Variants in SOCS7 observed in about 807,000 individuals in gnomAD.
The protein encoded by SOCS7 is NAP-4.
Under a neutral mutation model 58.9 loss-of-function variants are expected in SOCS7, and 18 were observed. That is an observed-to-expected ratio of 0.31 (90% CI 0.21 to 0.45). The LOEUF (loss-of-function observed/expected upper bound fraction) is 0.45, where lower values mean the gene tolerates loss of function less well. Among genes scored for constraint, SOCS7 ranks in the 20% least tolerant of loss-of-function variants. The pLI, the probability that SOCS7 is intolerant of heterozygous loss-of-function variation, is 1.00. For missense variants in SOCS7, 667 were observed against 837.3 expected, an observed-to-expected ratio of 0.80 and a Z score of 2.51; for synonymous variants, 388 against 364.3, an observed-to-expected ratio of 1.06 and a Z score of -0.74.
chr17:38,374,921 G>A (rs1365869918), intron 6 of SOCS7, among the ~76,000 whole-genome samples: 1 of 152,190 alleles, frequency 6.6e-6, no homozygotes, highest in Admixed American at 6.5e-5. Context: ...CAAAGCAAAT[G>A]GTAGAAGAAG....
chr17:38,398,928 T>A (rs571492730), intron 9 of SOCS7, among the ~76,000 whole-genome samples: 118 of 151,914 alleles, frequency 7.8e-4, no homozygotes, highest in South Asian at 1.9e-3. Flanking sequence ...CTGTCTCTAC[T>A]AAAAATACAA....
In SOCS7 at chr17:38,352,665, G is replaced by T. The variant is rs372829995; in HGVS notation, c.613G>T (p.Gly205Cys). 1 of 1,549,986 alleles carries T rather than the reference G, an allele frequency of 6.5e-7. No homozygotes were observed. The highest frequency in any genetic ancestry group is 2.0e-5 in the Admixed American group (1 of 51,004). ...SCSEEELSSP[G>C]RGGGGGGRLL... ...CTCGGAAGAGGAGCTCAGCAGCCCG[G>T]GTCGCGGAGGAGGAGGGGGCGGCCG... Residue 205 changes from glycine (G) to cysteine (C), a missense_variant, in exon 1 of 10, where the codon GGT becomes TGT. Around this residue, in one of 9 missense-constraint regions of SOCS7, gnomAD observed 208 missense variants for 190.3 expected, o/e 1.09. Coordinates refer to ENST00000612932, the MANE Select transcript of SOCS7 (RefSeq NM_014598.4). This position sits in a 1 kb window ranked among gnomAD's most constrained non-coding sequence, Gnocchi z 5.5.
At chr17:38,353,807 T>A (rs529389237) in intron 1 of SOCS7, among the ~76,000 whole-genome samples, 1 of 152,214 alleles carries the variant, frequency 6.6e-6, no homozygotes, top group South Asian at 2.1e-4. Context: ...GCGGGAGTGG[T>A]CCCAGCTACT....
At chr17:38,357,969 G>T (rs587594100) in intron 1 of SOCS7, among the ~76,000 whole-genome samples, 1 of 152,288 alleles carries the variant, frequency 6.6e-6, no homozygotes, top group African/African-American at 2.4e-5. Flanking sequence ...TAAATCTGTT[G>T]CAGTACAGTT....
At position 38,360,068 on chromosome 17, in the gene SOCS7, G is replaced by A. The variant is rs919628826; in HGVS notation, c.981-1643G>A. 3.3e-5 allele frequency among the ~76,000 whole-genome samples: 5 copies of A among 152,022 alleles called. No homozygotes were observed. In the East Asian group the frequency reaches 5.8e-4, roughly 18 times the overall value. On this transcript the variant is annotated intron_variant, in intron 1 of 9. Transcript: ENST00000612932. Reference sequence around the variant, plus strand: ...GTTGGGATTACAGGTGTGAGCCATCGCACCGGGCCTGAGGTATAATTTATA... The same window carrying A: ...GTTGGGATTACAGGTGTGAGCCATCACACCGGGCCTGAGGTATAATTTATA...
At position 38,364,823 on chromosome 17, in the gene SOCS7, C is replaced by A. The variant is rs764038053; in HGVS notation, c.1117C>A (p.Pro373Thr). 1 of 1,613,908 alleles carries A rather than the reference C, an allele frequency of 6.2e-7. No individual in the cohort carries two copies. The highest frequency in any genetic ancestry group is 8.5e-7 in the Non-Finnish European group (1 of 1,179,860). ...GACCTCTCCACACCCTCCAACTCCC[C>A]CTCCTCCTCCGAGAAGAAGCCTCAG... ...GLTSPHPPTP[P>T]PPPRRSLSLL... The change falls in exon 3 of 10, where the codon CCT becomes ACT. Residue 373 changes from proline to threonine, a missense_variant. Pro to Thr is a conservative substitution (Grantham distance 38, BLOSUM62 -1). Around this residue, in one of 9 missense-constraint regions of SOCS7, gnomAD observed 99 missense variants for 122.9 expected, o/e 0.81. Transcript: ENST00000612932.
intron 4 of SOCS7, chr17:38,365,974 G>T (rs910973839): frequency 9.1e-7 from 1 of 1,100,698 alleles, no homozygotes; most frequent in Non-Finnish European, 1.1e-6. Context: ...TCACTTCGAG[G>T]TGGGAGAAGT....
rs924450447 is a variant in SOCS7 at position 38,401,633 on chromosome 17, C to T, written c.*2151C>T. ...CAGAAAATCAAGGACTATCTAAAGA[C>T]GTTTATAGTAGATAAGATCAGGGTA... On this transcript the variant is annotated 3_prime_UTR_variant, in exon 10 of 10. Coordinates refer to ENST00000612932, the MANE Select transcript of SOCS7 (RefSeq NM_014598.4). 1.1e-4 allele frequency: 16 copies of T among 152,126 alleles called. No homozygotes were observed. The highest frequency in any genetic ancestry group is 3.9e-4 in the Admixed American group (6 of 15,276). The allele number at this position is 152,126 out of a possible 1,614,324, so 9.4% of individuals were successfully genotyped here.
Position 38,352,748 on chromosome 17 carries a change from C to G in SOCS7, c.696C>G (p.Asp232Glu), listed in dbSNP as rs748619711. ...CTCCGGTGCCCTTCCCGCTGCAGGACTTGGTCCCTCTGGGGCGCCTGAGTA... is the reference window on the plus strand; with the variant it reads ...CTCCGGTGCCCTTCCCGCTGCAGGAGTTGGTCCCTCTGGGGCGCCTGAGTA... Reference protein sequence around the residue: ...ELPPVPFPLQDLVPLGRLSRG... With the variant: ...ELPPVPFPLQELVPLGRLSRG... The change falls in exon 1 of 10, where the codon GAC becomes GAG. Residue 232 changes from aspartate to glutamate, a missense_variant. By Grantham distance (45) the Asp-to-Glu change is conservative. Transcript: ENST00000612932. The surrounding 1 kb of genome is among the most constrained non-coding windows in gnomAD (Gnocchi z 5.5). 7 of 1,549,940 alleles carry G rather than the reference C, an allele frequency of 4.5e-6. No individual in the cohort carries two copies. The Admixed American group carries it at 1.4e-4, about 30-fold the overall frequency.
intron 6 of SOCS7, among the ~76,000 whole-genome samples, chr17:38,371,199 C>T (rs1445627538): frequency 6.6e-6 from 1 of 151,888 alleles, no homozygotes; most frequent in Non-Finnish European, 1.5e-5. Context: ...CTGCAGTCTC[C>T]ACCTCCTGAG....
At position 38,356,378 on chromosome 17, in the gene SOCS7, C is replaced by CT. The variant is rs952982591; in HGVS notation, c.980+3354dup. The stretch of plus-strand genomic sequence containing the variant: ...CCTGGGCAACAGAGCCAGACTCCAT[C>CT]TTTTTTTTGGGGCCGGGGGGATGGA... On this transcript the variant is annotated intron_variant, in intron 1 of 9. Coordinates refer to ENST00000612932, the MANE Select transcript of SOCS7 (RefSeq NM_014598.4). 7.3e-5 allele frequency among the ~76,000 whole-genome samples: 11 copies of CT among 150,876 alleles called. No individual in the cohort carries two copies. The East Asian group carries it at 8.3e-4, about 11-fold the overall frequency.
At chr17:38,377,079 G>A (rs1404061807) in intron 6 of SOCS7, among the ~76,000 whole-genome samples, 1 of 152,090 alleles carries the variant, frequency 6.6e-6, no homozygotes, top group African/African-American at 2.4e-5. Flanking sequence ...TCTGATGTTC[G>A]CCTAATGATG....
rs1203858025 is a variant in SOCS7, at chr17:38,352,439, C to T, written c.387C>T (p.Leu129=). 6 of 1,458,114 alleles carry T rather than the reference C, an allele frequency of 4.1e-6. No homozygotes were observed. Among genetic ancestry groups the T allele is most frequent in the East Asian group, 2.6e-5 (1 of 39,038 alleles). The allele number at this position is 1,458,114 out of a possible 1,614,324, so 90.3% of individuals were successfully genotyped here. ...AGGCGCAGTTGGCGGCTCTGGGGCT[C>T]GGGCAGCCGGCGGGGCCGGGGGTCA... The part of the protein sequence containing the change: ...GLEAQLAALG[L]GQPAGPGVKT... The change falls in exon 1 of 10, where the codon CTC becomes CTT. Residue 129 remains leucine (L), a synonymous_variant. Coordinates refer to ENST00000612932, the MANE Select transcript of SOCS7 (RefSeq NM_014598.4). The surrounding 1 kb of genome is among the most constrained non-coding windows in gnomAD (Gnocchi z 5.5).
At chr17:38,365,554 C>CT in intron 4 of SOCS7, 145 bp downstream of exon 4, 1 of 508,514 alleles carries the variant, frequency 2.0e-6, no homozygotes, top group Non-Finnish European at 3.3e-6. Flanking sequence ...GACCAGACTC[C>CT]TTAGAAATGA....
intron 1 of SOCS7, among the ~76,000 whole-genome samples, chr17:38,358,046 A>G (rs2037663153): frequency 6.6e-6 from 1 of 152,180 alleles, no homozygotes; most frequent in Non-Finnish European, 1.5e-5. Context: ...ATAGGCAGTA[A>G]TTTAGCTGAC....
In SOCS7 at chr17:38,351,951, G is replaced by A. The variant is rs1056843962; in HGVS notation, c.-102G>A. ...GGCAGAGGCCGCGGCGGCCGTTAGCGCTGTCGCTCCGGGGGCCGCGGCGGG... is the reference window on the plus strand; with the variant it reads ...GGCAGAGGCCGCGGCGGCCGTTAGCACTGTCGCTCCGGGGGCCGCGGCGGG... On this transcript the variant is annotated 5_prime_UTR_variant, in exon 1 of 10. Transcript: ENST00000612932. Among the ~76,000 whole-genome samples, 1 of 151,234 alleles carries A rather than the reference G, an allele frequency of 6.6e-6. No homozygotes were observed. The highest frequency in any genetic ancestry group is 2.1e-4 in the South Asian group (1 of 4,834).
In SOCS7 at chr17:38,389,899, A is replaced by ATATG. The variant is rs2038143219; in HGVS notation, c.1682-5410_1682-5409insTATG. On this transcript the variant is annotated intron_variant, in intron 7 of 9. Transcript: ENST00000612932. ...TATATATATGTACATATATATATAT[A>ATATG]CACATATAGAGAGAGAGAGAGAGAG... Among the ~76,000 whole-genome samples, 37 of 10,164 alleles carry ATATG rather than the reference A, an allele frequency of 3.6e-3. 1 individual carries two copies. The highest frequency in any genetic ancestry group is 8.3e-3 in the African/African-American group (30 of 3,620). 6.7% of individuals were successfully genotyped at this position (10,164 alleles called of 152,430 possible).
intron 9 of SOCS7, among the ~76,000 whole-genome samples, chr17:38,398,864 G>A (rs2038279008): frequency 6.6e-6 from 1 of 152,058 alleles, no homozygotes; most frequent in African/African-American, 2.4e-5. Context: ...AGGCCAAGGC[G>A]GGCTCATCAC....
intron 7 of SOCS7, among the ~76,000 whole-genome samples, chr17:38,384,685 C>T (rs911382745): frequency 5.9e-5 from 9 of 151,838 alleles, no homozygotes; most frequent in African/African-American, 1.9e-4. Context: ...ATCCACATCC[C>T]GGGTTCAAGT....
Sources: allele counts gnomAD v4.1 joint callset (sites outside exome capture counted in the v4.1 genomes callset), GRCh38; gene constraint gnomAD v4.1.1; regional missense constraint gnomAD v4.1.1; non-coding constraint Gnocchi (gnomAD v3.1); transcripts MANE v1.5; gene names NCBI Gene and HGNC (gene_info 2026-07-23, HGNC 2026-07-21).